IFT25: variants seen among roughly 807,000 people sequenced by gnomAD.
The protein encoded by IFT25 is intraflagellar transport 25.
the IFT25 span, among the ~76,000 whole-genome samples, chr1:53,927,510 T>C: frequency 1.3e-5 from 2 of 152,186 alleles, no homozygotes; most frequent in Admixed American, 1.3e-4. Flanking sequence ...AGCCTCAACA[T>C]TCTATATTTG....
At chr1:53,925,678 G>A in the IFT25 span, among the ~76,000 whole-genome samples, 5 of 146,928 alleles carry the variant, frequency 3.4e-5, no homozygotes, top group African/African-American at 7.5e-5. Flanking sequence ...AAAAAAAAAA[G>A]AAAAGAAAAA....
At chr1:53,927,024 C>A in the IFT25 span, among the ~76,000 whole-genome samples, 1 of 152,090 alleles carries the variant, frequency 6.6e-6, no homozygotes, top group African/African-American at 2.4e-5. Context: ...TGTGCCCAGG[C>A]CCCACATTCT....
At chr1:53,936,640 T>C in the IFT25 span, among the ~76,000 whole-genome samples, 1 of 152,172 alleles carries the variant, frequency 6.6e-6, no homozygotes, top group Non-Finnish European at 1.5e-5. Context: ...GATCAGTAAC[T>C]GAGGCTCAAA....
the IFT25 span, among the ~76,000 whole-genome samples, chr1:53,941,369 C>T: frequency 6.6e-6 from 1 of 152,208 alleles, no homozygotes; most frequent in Non-Finnish European, 1.5e-5. Flanking sequence ...GGATTAAAGG[C>T]ATGCACCACT....
At chr1:53,941,681 G>A in the IFT25 span, among the ~76,000 whole-genome samples, 1 of 152,158 alleles carries the variant, frequency 6.6e-6, no homozygotes, top group Non-Finnish European at 1.5e-5. Context: ...TGATAAACTT[G>A]AATGCTAATT....
At chr1:53,944,279 G>A in the IFT25 span, among the ~76,000 whole-genome samples, 4,441 of 152,240 alleles carry the variant, frequency 0.029, 188 homozygotes, top group African/African-American at 0.099. Context: ...CGAGGTGGGC[G>A]AACAGCTTGA....
the IFT25 span, among the ~76,000 whole-genome samples, chr1:53,944,506 G>A: frequency 6.6e-6 from 1 of 152,256 alleles, no homozygotes; most frequent in East Asian, 1.9e-4. Flanking sequence ...TTAGCTGGGT[G>A]TGGTGGCAGG....
At chr1:53,939,979 T>C in the IFT25 span, 2 of 1,522,040 alleles carry the variant, frequency 1.3e-6, no homozygotes, top group Non-Finnish European at 1.8e-6. Context: ...GTATAGTAAC[T>C]CTTACCCATC....
chr1:53,916,076 C>T, the IFT25 span, among the ~76,000 whole-genome samples: 1 of 150,974 alleles, frequency 6.6e-6, no homozygotes, highest in Non-Finnish European at 1.5e-5. Context: ...TCCCAGCTAC[C>T]CAGGAGGCTG....
At chr1:53,945,175 T>C in the IFT25 span, among the ~76,000 whole-genome samples, 1 of 152,114 alleles carries the variant, frequency 6.6e-6, no homozygotes, top group Admixed American at 6.5e-5. Flanking sequence ...CCGCCCCAAA[T>C]TATGTAAAGA....
chr1:53,935,442 G>A, the IFT25 span, among the ~76,000 whole-genome samples: 279 of 152,248 alleles, frequency 1.8e-3, no homozygotes, highest in Middle Eastern at 6.8e-3. Flanking sequence ...AACAAGTGTG[G>A]GGTTTCTTGT....
At chr1:53,930,084 G>A in the IFT25 span, 1 of 1,575,466 alleles carries the variant, frequency 6.3e-7, no homozygotes, top group Non-Finnish European at 8.6e-7. Context: ...ACATGTTTGT[G>A]GAAACAAATA....
At chr1:53,921,169 G>A in the IFT25 span, among the ~76,000 whole-genome samples, 1 of 152,052 alleles carries the variant, frequency 6.6e-6, no homozygotes, top group African/African-American at 2.4e-5. Context: ...AGACCCTACT[G>A]CAAAAAAATA....
chr1:53,916,097 G>T, the IFT25 span, among the ~76,000 whole-genome samples: 19 of 151,050 alleles, frequency 1.3e-4, no homozygotes, highest in African/African-American at 4.4e-4. Flanking sequence ...AGGTGGGAGG[G>T]TCACCTGAGC....
the IFT25 span, chr1:53,928,719 A>T: frequency 1.8e-5 from 6 of 336,838 alleles, no homozygotes; most frequent in East Asian, 2.0e-4. Flanking sequence ...GTGTATGGCG[A>T]TAATACTACT....
At chr1:53,919,976 T>A in the IFT25 span, among the ~76,000 whole-genome samples, 98 of 152,242 alleles carry the variant, frequency 6.4e-4, no homozygotes, top group African/African-American at 2.2e-3. Flanking sequence ...TTTTAACTTT[T>A]TTTGTAGATA....
chr1:53,925,148 T>C, the IFT25 span, among the ~76,000 whole-genome samples: 2 of 152,164 alleles, frequency 1.3e-5, no homozygotes, highest in Admixed American at 1.3e-4. Flanking sequence ...ATTTTAGCTT[T>C]TTAAAACCGA....
the IFT25 span, among the ~76,000 whole-genome samples, chr1:53,935,227 C>T: frequency 6.6e-5 from 10 of 152,198 alleles, no homozygotes; most frequent in South Asian, 1.5e-3. Flanking sequence ...GCAGGAGAAT[C>T]GCTTGAACCC....
the IFT25 span, among the ~76,000 whole-genome samples, chr1:53,926,577 CTG>C: frequency 2.6e-5 from 4 of 152,100 alleles, no homozygotes; most frequent in African/African-American, 4.8e-5. Context: ...CCAATTGTCC[CTG>C]TCTTTTTTAA....
Sources: gnomAD v4.1 joint callset for allele counts (sites outside exome capture counted in the v4.1 genomes callset) on GRCh38, gnomAD v4.1.1 for gene constraint, MANE v1.5 for transcripts, NCBI Gene and HGNC (gene_info 2026-07-23, HGNC 2026-07-21) for gene names.